XKR4: variants seen among roughly 807,000 people sequenced by gnomAD.
The protein encoded by XKR4 is XK-related protein 4.
In XKR4, 12 loss-of-function variants were observed where a neutral mutation model predicts 53.9. The observed-to-expected ratio is 0.22, with a 90% CI of 0.14 to 0.36. The LOEUF is 0.36. XKR4 is among the 10% of genes least tolerant of loss of function. The pLI, the probability that XKR4 is intolerant of heterozygous loss-of-function variation, is 1.00. For synonymous variants in XKR4, 354 were observed against 362.4 expected (o/e 0.98, Z 0.26); for missense variants, 799 against 859.5 (o/e 0.93, Z 0.88).
intron 2 of XKR4, among the ~76,000 whole-genome samples, chr8:55,416,791 G>A (rs780003610): frequency 2.0e-5 from 3 of 152,108 alleles, no homozygotes; most frequent in African/African-American, 4.8e-5. Context: ...ATACCACAGC[G>A]ATTCTCTATG....
chr8:55,368,328 T>C (rs1469039701), intron 2 of XKR4, among the ~76,000 whole-genome samples: 1 of 152,116 alleles, frequency 6.6e-6, no homozygotes, highest in East Asian at 1.9e-4. Context: ...TTAAATGAAG[T>C]ACAAACTGGT....
At chr8:55,514,471 G>T (rs1563370776) in intron 2 of XKR4, among the ~76,000 whole-genome samples, 1 of 151,976 alleles carries the variant, frequency 6.6e-6, no homozygotes, top group Non-Finnish European at 1.5e-5. Flanking sequence ...TGGCCAGACT[G>T]GTCTCGAACT....
rs766791805 is a variant in XKR4, at chr8:55,357,721, G to T, written c.850G>T (p.Gly284Trp). The T allele has an allele frequency of 1.6e-5, 26 of 1,614,088 alleles. No homozygotes were observed. Among genetic ancestry groups the T allele is most frequent in the Non-Finnish European group, 2.1e-5 (25 of 1,180,030 alleles). ...CTTAGGTATTCGAAGCCGACAGAGT[G>T]GGGAGAATGACAGATGGAGGTTTTA... is the stretch of plus-strand genomic sequence containing the variant. ...IYLGIRSRQS[G>W]ENDRWRFYWK... Residue 284 changes from glycine (G) to tryptophan (W), a missense_variant, in exon 2 of 3, where the codon GGG (glycine) becomes TGG (tryptophan). By Grantham distance (184) the Gly-to-Trp change is radical. Around this residue, in one of 3 missense-constraint regions of XKR4, gnomAD observed 476 missense variants for 505.4 expected, o/e 0.94. Transcript: ENST00000327381.
rs151098002 is a variant in XKR4 at position 55,423,689 on chromosome 8, CATG to C, written c.1006+65816_1006+65818del. Among the ~76,000 whole-genome samples, 219 of 152,348 alleles carry C rather than the reference CATG, an allele frequency of 1.4e-3. 5 individuals carry two copies. The East Asian group carries it at 0.038, about 26-fold the overall frequency. On this transcript the variant is annotated intron_variant, in intron 2 of 2. Coordinates refer to ENST00000327381, the MANE Select transcript of XKR4 (RefSeq NM_052898.2). ...AATTTCTTCATTAGACTATAAACTCCATGATGTCTGGGCATTTGTCCAATTTGT... is the reference window on the plus strand; with the variant it reads ...AATTTCTTCATTAGACTATAAACTCCATGTCTGGGCATTTGTCCAATTTGT...
intron 2 of XKR4, among the ~76,000 whole-genome samples, chr8:55,519,440 T>A (rs1044013295): frequency 6.6e-6 from 1 of 152,226 alleles, no homozygotes; most frequent in Non-Finnish European, 1.5e-5. Flanking sequence ...AATGTAACCA[T>A]GAAGAAGCAG....
In XKR4 at chr8:55,524,064, T is replaced by C. The variant is rs764605688; in HGVS notation, c.1790T>C (p.Ile597Thr). ...PPRIEESVIK[I>T]DLFRNRYPAW... ...CGGATTGAAGAATCAGTCATTAAAA[T>C]TGACTTGTTCAGGAATAGGTACCCA... Residue 597 changes from isoleucine (I) to threonine (T), a missense_variant, in exon 3 of 3, where the codon ATT becomes ACT. Transcript: ENST00000327381. 7.4e-6 allele frequency: 12 copies of C among 1,614,094 alleles called. No homozygotes were observed. Among genetic ancestry groups the C allele is most frequent in the Middle Eastern group, 1.6e-4 (1 of 6,084 alleles).
At chr8:55,139,671 C>T (rs7010869) in intron 1 of XKR4, among the ~76,000 whole-genome samples, 80,804 of 146,990 alleles carry the variant, frequency 0.55, 22,354 homozygotes, top group South Asian at 0.7. Flanking sequence ...AGAATAGTAG[C>T]TGTTTTTTTT....
intron 2 of XKR4, among the ~76,000 whole-genome samples, chr8:55,441,931 G>C (rs573951965): frequency 1.3e-5 from 2 of 151,864 alleles, no homozygotes; most frequent in Non-Finnish European, 2.9e-5. Context: ...AGTGAGTTTG[G>C]TATCAAATTA....
chr8:55,477,108 C>T (rs1451087442), intron 2 of XKR4, among the ~76,000 whole-genome samples: 1 of 63,324 alleles, frequency 1.6e-5, no homozygotes, highest in Non-Finnish European at 3.0e-5. Context: ...AAGTGGGTCC[C>T]TGACCCCGAG....
chr8:55,243,964 T>C (rs1818247438), intron 1 of XKR4, among the ~76,000 whole-genome samples: 1 of 152,348 alleles, frequency 6.6e-6, no homozygotes, highest in South Asian at 2.1e-4. Context: ...TATGTGCGTG[T>C]GCATGCTCAT....
intron 1 of XKR4, among the ~76,000 whole-genome samples, chr8:55,179,937 G>T (rs1817284510): frequency 6.6e-6 from 1 of 152,240 alleles, no homozygotes; most frequent in South Asian, 2.1e-4. Flanking sequence ...ATTTATAGAA[G>T]AGTTTCTTCC....
chr8:55,221,596 C>G (rs1585948482), intron 1 of XKR4, among the ~76,000 whole-genome samples: 1 of 152,204 alleles, frequency 6.6e-6, no homozygotes, highest in Admixed American at 6.5e-5. Context: ...CGTTGGTGAC[C>G]CTCTTTGCAT....
intron 1 of XKR4, among the ~76,000 whole-genome samples, chr8:55,153,669 T>C (rs1816868000): frequency 6.6e-6 from 1 of 152,234 alleles, no homozygotes; most frequent in South Asian, 2.1e-4. Flanking sequence ...GAAGAATTCC[T>C]TTCTCTTTGA....
At chr8:55,273,866 G>A (rs1176252314) in intron 1 of XKR4, among the ~76,000 whole-genome samples, 6 of 152,202 alleles carry the variant, frequency 3.9e-5, no homozygotes, top group South Asian at 2.1e-4. Context: ...AGCAATTCCT[G>A]TCTTGATGAA....
chr8:55,257,850 C>T (rs1185184979), intron 1 of XKR4, among the ~76,000 whole-genome samples: 1 of 152,170 alleles, frequency 6.6e-6, no homozygotes, highest in Non-Finnish European at 1.5e-5. Context: ...TAAAATGTAT[C>T]TCAGGTCATA....
intron 1 of XKR4, among the ~76,000 whole-genome samples, chr8:55,245,915 C>T (rs966946526): frequency 2.6e-5 from 4 of 152,078 alleles, no homozygotes; most frequent in African/African-American, 9.7e-5. Context: ...GGCAACATGG[C>T]AAAACCCTGT....
chr8:55,472,696 G>A (rs1422791016), intron 2 of XKR4, among the ~76,000 whole-genome samples: 5 of 151,964 alleles, frequency 3.3e-5, no homozygotes, highest in African/African-American at 1.2e-4. Context: ...ACGAAACCTC[G>A]GATTTCGCTA....
intron 2 of XKR4, among the ~76,000 whole-genome samples, chr8:55,479,400 G>A (rs1036813030): frequency 3.9e-5 from 6 of 152,060 alleles, no homozygotes; most frequent in Non-Finnish European, 7.4e-5. Context: ...AATCAAAGCA[G>A]TGTGTAGAGG....
intron 1 of XKR4, chr8:55,140,168 G>A (rs991306870): frequency 1.2e-5 from 5 of 432,384 alleles, no homozygotes; most frequent in African/African-American, 1.0e-4. Context: ...TCTTGACTGA[G>A]TGTCTTTTCT....
Sources: allele counts gnomAD v4.1 joint callset (sites outside exome capture counted in the v4.1 genomes callset), GRCh38; gene constraint gnomAD v4.1.1; regional missense constraint gnomAD v4.1.1; transcripts MANE v1.5; gene names NCBI Gene and HGNC (gene_info 2026-07-23, HGNC 2026-07-21).